Variants in GRID2 observed in about 807,000 individuals in gnomAD.
GRID2 encodes glutamate ionotropic receptor delta type subunit 2, also known as glutamate receptor ionotropic, delta-2.
GRID2 carries 33 observed loss-of-function variants against 114.8 expected under a neutral mutation model. The observed-to-expected ratio is 0.29, with a 90% CI of 0.22 to 0.38. GRID2 has a LOEUF of 0.38. GRID2 is among the 10% of genes least tolerant of loss of function. The pLI, the probability that GRID2 is intolerant of heterozygous loss-of-function variation, is 1.00. For missense variants in GRID2, 1,184 were observed against 1,257.7 expected (o/e 0.94, Z 0.89); for synonymous variants, 505 against 449.9 (o/e 1.12, Z -1.55).
intron 1 of GRID2, among the ~76,000 whole-genome samples, chr4:92,462,075 A>T (rs909030229): frequency 2.8e-4 from 42 of 152,190 alleles, no homozygotes; most frequent in African/African-American, 9.9e-4. Context: ...TTTGAAATGT[A>T]CTTCTTTAAT....
At chr4:92,346,113 A>G (rs1336249516) in intron 1 of GRID2, among the ~76,000 whole-genome samples, 2 of 152,152 alleles carry the variant, frequency 1.3e-5, no homozygotes, top group Non-Finnish European at 2.9e-5. Context: ...CCTATAAGCC[A>G]TGTCAGCTCC....
At chr4:93,175,118 C>A (rs780919785) in intron 4 of GRID2, among the ~76,000 whole-genome samples, 1 of 152,076 alleles carries the variant, frequency 6.6e-6, no homozygotes, top group South Asian at 2.1e-4. Context: ...GTTTCCACAG[C>A]CTCACAGCAT....
Position 93,510,374 on chromosome 4 carries a change from G to A in GRID2, c.1998-4842G>A, listed in dbSNP as rs141451765. Among the ~76,000 whole-genome samples, 16 of 152,264 alleles carry A rather than the reference G, an allele frequency of 1.1e-4. No individual in the cohort carries two copies. In the East Asian group the frequency reaches 2.7e-3, roughly 26 times the overall value. On this transcript the variant is annotated intron_variant, in intron 12 of 15. Transcript: ENST00000282020. ...TTTATGAGAGTTATTTAAGTTTTAT[G>A]TGGATAGTGACATCTACTGTCTTGT...
intron 2 of GRID2, among the ~76,000 whole-genome samples, chr4:92,801,816 A>C (rs1347639308): frequency 2.0e-5 from 3 of 151,762 alleles, no homozygotes; most frequent in Non-Finnish European, 4.4e-5. Flanking sequence ...ACAAACCCAA[A>C]AGTTGGACTT....
At chr4:93,794,352 G>A (rs1012983275) in intron 1 of GRID2, among the ~76,000 whole-genome samples, 3 of 152,182 alleles carry the variant, frequency 2.0e-5, no homozygotes, top group African/African-American at 7.2e-5. Context: ...ATGGGACACA[G>A]ACTGCCATTG....
chr4:92,927,948 A>G (rs1016172859), intron 2 of GRID2, among the ~76,000 whole-genome samples: 1 of 151,714 alleles, frequency 6.6e-6, no homozygotes, highest in Non-Finnish European at 1.5e-5. Context: ...TTCAGTGCTA[A>G]TATTCTTTGG....
intron 1 of GRID2, among the ~76,000 whole-genome samples, chr4:92,564,886 A>G (rs898787956): frequency 2.0e-5 from 3 of 152,026 alleles, no homozygotes; most frequent in Non-Finnish European, 4.4e-5. Flanking sequence ...TATGCCCTGT[A>G]TCGTCAGTGT....
At chr4:92,488,875 A>T (rs1254131585) in intron 1 of GRID2, among the ~76,000 whole-genome samples, 1 of 152,090 alleles carries the variant, frequency 6.6e-6, no homozygotes, top group Non-Finnish European at 1.5e-5. Context: ...ATGCTGAGAA[A>T]ACTCTACTCA....
At chr4:92,522,671 C>A (rs550892172) in intron 1 of GRID2, among the ~76,000 whole-genome samples, 24 of 152,008 alleles carry the variant, frequency 1.6e-4, no homozygotes, top group African/African-American at 5.1e-4. Flanking sequence ...AGGATTTTCT[C>A]ATGGATTGGA....
chr4:92,943,253 G>A (rs183522744), intron 2 of GRID2, among the ~76,000 whole-genome samples: 8 of 152,142 alleles, frequency 5.3e-5, no homozygotes, highest in Admixed American at 2.0e-4. Flanking sequence ...ATATTTCTTG[G>A]GGGCTTTGTT....
intron 4 of GRID2, among the ~76,000 whole-genome samples, chr4:93,111,357 A>T (rs749209723): frequency 6.6e-6 from 1 of 152,210 alleles, no homozygotes; most frequent in African/African-American, 2.4e-5. Flanking sequence ...ATTATTGCCT[A>T]AACATGATTA....
intron 1 of GRID2, among the ~76,000 whole-genome samples, chr4:92,418,098 A>G (rs1353089269): frequency 3.3e-5 from 5 of 152,188 alleles, no homozygotes; most frequent in Admixed American, 3.3e-4. Context: ...AAAAGGATCA[A>G]TACATGGAGC....
intron 14 of GRID2, among the ~76,000 whole-genome samples, chr4:93,701,753 C>G (rs1727529831): frequency 6.6e-6 from 1 of 151,958 alleles, no homozygotes; most frequent in South Asian, 2.1e-4. Flanking sequence ...ACTTGGGAGG[C>G]TGAGGTGGGA....
chr4:93,134,455 A>G (rs1398216723), intron 4 of GRID2, among the ~76,000 whole-genome samples: 1 of 152,112 alleles, frequency 6.6e-6, no homozygotes, highest in Non-Finnish European at 1.5e-5. Flanking sequence ...TAATGGCCTG[A>G]CCTTGGATGG....
rs144531512 is a variant in GRID2 at position 93,621,885 on chromosome 4, C to G, written c.2194-4384C>G. On this transcript the variant is annotated intron_variant, in intron 13 of 15. Coordinates refer to ENST00000282020, the MANE Select transcript of GRID2 (RefSeq NM_001510.4). ...GGAACATTAGTATTGCAAGAGACAG[C>G]ATATATAATGGCAAGGATAATGTTA... 2.0e-5 allele frequency among the ~76,000 whole-genome samples: 3 copies of G among 152,148 alleles called. No individual in the cohort carries two copies. The East Asian group carries it at 5.8e-4, about 29-fold the overall frequency.
rs190920137 is a variant in GRID2, at chr4:93,122,958, T to C, written c.735+12005T>C. On this transcript the variant is annotated intron_variant, in intron 4 of 15. Coordinates refer to ENST00000282020, the MANE Select transcript of GRID2 (RefSeq NM_001510.4). ...ATTTTACTTTGCGTTTGACCTAAAT[T>C]GTATATGATAGTTCTTGCTTCTGTT... is the stretch of plus-strand genomic sequence containing the variant. 2.2e-4 allele frequency among the ~76,000 whole-genome samples: 32 copies of C among 144,342 alleles called. 1 individual carries two copies. Among genetic ancestry groups the C allele is most frequent in the Admixed American group, 1.8e-3 (23 of 12,808 alleles). The allele number at this position is 144,342 out of a possible 152,430, so 94.7% of individuals were successfully genotyped here. A position where few individuals can be genotyped will look rare whatever the true frequency, so the allele number is the denominator to read the frequency against.
chr4:93,490,391 G>A (rs756046006), intron 11 of GRID2, among the ~76,000 whole-genome samples: 51 of 151,948 alleles, frequency 3.4e-4, no homozygotes, highest in Non-Finnish European at 7.1e-4. Context: ...GGGTTGAACA[G>A]GAAGGGGGAA....
chr4:93,206,220 C>A (rs896282282), intron 4 of GRID2, among the ~76,000 whole-genome samples: 11 of 151,776 alleles, frequency 7.2e-5, no homozygotes, highest in African/African-American at 2.7e-4. Context: ...AAACTTGTAC[C>A]AAGTGTTAAA....
At chr4:92,660,556 G>A (rs1474593424) in intron 2 of GRID2, among the ~76,000 whole-genome samples, 1 of 151,160 alleles carries the variant, frequency 6.6e-6, no homozygotes, top group East Asian at 1.9e-4. Context: ...ACTTAGAAGA[G>A]TCTTACGTTT....
Sources: gnomAD v4.1 joint callset for allele counts (sites outside exome capture counted in the v4.1 genomes callset) on GRCh38, gnomAD v4.1.1 for gene constraint, MANE v1.5 for transcripts, NCBI Gene and HGNC (gene_info 2026-07-23, HGNC 2026-07-21) for gene names.